The following ECRG4 variants were observed in gnomAD, a reference collection of about 807,000 sequenced individuals.
The protein encoded by ECRG4 is ECRG4 augurin precursor.
Under a neutral mutation model 15.8 loss-of-function variants are expected in ECRG4, and 18 were observed. The observed-to-expected ratio is 1.14, with a 90% CI of 0.79 to 1.69. ECRG4 has a LOEUF of 1.69. ECRG4 is among the 40% of genes most tolerant of loss of function. The probability of loss-of-function intolerance (pLI) is 0.00; values close to 1 mark genes in which losing one functional copy is unlikely to be tolerated. For missense variants in ECRG4, 200 were observed against 190.9 expected, an observed-to-expected ratio of 1.05 and a Z score of -0.28; for synonymous variants, 82 against 73.9, an observed-to-expected ratio of 1.11 and a Z score of -0.56.
Position 106,071,682 on chromosome 2 carries a change from T to C in ECRG4, c.80-162T>C, listed in dbSNP as rs147962627. Among the ~76,000 whole-genome samples, 663 of 152,328 alleles carry C rather than the reference T, an allele frequency of 4.4e-3. 1 individual carries two copies. Among genetic ancestry groups the C allele is most frequent in the Middle Eastern group, 0.014 (4 of 294 alleles). ...CATGGGCAGCCTGAATTGTTTGTCC[T>C]GCAGGACAGGGAATACAGCAAGTGT... On this transcript the variant is annotated intron_variant, in intron 1 of 3. Transcript: ENST00000238044.
upstream of ECRG4, among the ~76,000 whole-genome samples, chr2:106,065,029 A>C (rs565997545): frequency 6.6e-5 from 10 of 152,142 alleles, no homozygotes; most frequent in Non-Finnish European, 1.3e-4. Flanking sequence ...GCAGGGCACC[A>C]GGTTCCTGGT....
intron 3 of ECRG4, among the ~76,000 whole-genome samples, chr2:106,076,656 A>C (rs931541791): frequency 6.6e-6 from 1 of 152,194 alleles, no homozygotes; most frequent in African/African-American, 2.4e-5. Flanking sequence ...ATTAATGTTC[A>C]TTGGCAGTCT....
intron 3 of ECRG4, among the ~76,000 whole-genome samples, chr2:106,075,514 G>C (rs1474669928): frequency 2.0e-5 from 3 of 152,188 alleles, no homozygotes; most frequent in Non-Finnish European, 4.4e-5. Flanking sequence ...CTGAGGTCAG[G>C]AGTTCAAGAC....
chr2:106,069,008 G>A (rs1309575038), intron 1 of ECRG4, among the ~76,000 whole-genome samples: 8 of 152,180 alleles, frequency 5.3e-5, no homozygotes, highest in African/African-American at 1.4e-4. Flanking sequence ...CTATCTGGGC[G>A]TTAGAAACCT....
Position 106,073,983 on chromosome 2 carries a change from GA to G in ECRG4, c.226del (p.Thr76LeufsTer130). ...KRQKRQLWDR[T>X]RPEVQQWYQQ... ...GCCAGAAGCGGCAGCTGTGGGACCG[GA>G]CTCGGCCCGAGGTGCAGCAGTGGTA... On this transcript the variant is annotated frameshift_variant, in exon 3 of 4. Transcript: ENST00000238044. LOFTEE classifies it high-confidence loss of function. 1.2e-6 allele frequency: 2 copies of G among 1,613,966 alleles called. No homozygotes were observed. The highest frequency in any genetic ancestry group is 2.7e-5 in the African/African-American group (2 of 74,934).
In ECRG4 at chr2:106,073,992, C is replaced by T. The variant is rs767847581; in HGVS notation, c.234C>T (p.Pro78=). Residue 78 remains proline, a synonymous_variant, in exon 3 of 4, where the codon CCC becomes CCT. Coordinates refer to ENST00000238044, the MANE Select transcript of ECRG4 (RefSeq NM_032411.3). Reference sequence around the variant, plus strand: ...GGCAGCTGTGGGACCGGACTCGGCCCGAGGTGCAGCAGTGGTACCAGCAGT... The same window carrying T: ...GGCAGCTGTGGGACCGGACTCGGCCTGAGGTGCAGCAGTGGTACCAGCAGT... ...QKRQLWDRTR[P]EVQQWYQQFL... 3.1e-6 allele frequency: 5 copies of T among 1,613,842 alleles called. No individual in the cohort carries two copies. The highest frequency in any genetic ancestry group is 4.5e-5 in the East Asian group (2 of 44,900).
chr2:106,073,003 G>A (rs576932919), intron 2 of ECRG4, among the ~76,000 whole-genome samples: 1 of 152,320 alleles, frequency 6.6e-6, no homozygotes. Flanking sequence ...TCAAGGGATT[G>A]TAAACAAACA....
intron 3 of ECRG4, 131 bp downstream of exon 3, chr2:106,074,174 T>A: frequency 9.8e-7 from 1 of 1,016,474 alleles, no homozygotes; most frequent in Non-Finnish European, 1.4e-6. Context: ...CCCCATCATA[T>A]GCCAAGTGCT....
intron 1 of ECRG4, among the ~76,000 whole-genome samples, chr2:106,071,575 A>G (rs1316466424): frequency 2.0e-5 from 3 of 152,168 alleles, no homozygotes; most frequent in African/African-American, 4.8e-5. Flanking sequence ...AGTAAGACAC[A>G]GGGCTAAAAG....
In ECRG4 at chr2:106,078,020, T is replaced by A; in HGVS notation, c.*94T>A. On this transcript the variant is annotated 3_prime_UTR_variant, in exon 4 of 4. Coordinates refer to ENST00000238044, the MANE Select transcript of ECRG4 (RefSeq NM_032411.3). ...ACTACTTGGTTTCTGATTTGCTCTA[T>A]TTCAGCAGATCTTTTCTACCTACTT... 8.3e-7 allele frequency: 1 copy of A among 1,209,136 alleles called. No individual in the cohort carries two copies. The highest frequency in any genetic ancestry group is 1.1e-6 in the Non-Finnish European group (1 of 891,472). 74.9% of individuals were successfully genotyped at this position (1,209,136 alleles called of 1,614,324 possible).
chr2:106,069,016 C>G (rs1009699496), intron 1 of ECRG4, among the ~76,000 whole-genome samples: 6 of 152,200 alleles, frequency 3.9e-5, no homozygotes, highest in Non-Finnish European at 8.8e-5. Context: ...GCGTTAGAAA[C>G]CTTACTTCAT....
intron 1 of ECRG4, among the ~76,000 whole-genome samples, chr2:106,069,387 G>A (rs1182258206): frequency 2.8e-5 from 4 of 144,934 alleles, no homozygotes; most frequent in Non-Finnish European, 6.0e-5. Context: ...AGAATGGAGT[G>A]CAGTGACGCT....
chr2:106,071,781 G>T, intron 1 of ECRG4, 63 bp from the exon 2 acceptor site: 1 of 1,413,750 alleles, frequency 7.1e-7, no homozygotes, highest in South Asian at 1.2e-5. Flanking sequence ...TCTGATTTTT[G>T]CCTTTGATAA....
upstream of ECRG4, among the ~76,000 whole-genome samples, chr2:106,064,824 C>T (rs946857877): frequency 7.2e-5 from 11 of 152,146 alleles, no homozygotes; most frequent in African/African-American, 1.7e-4. Context: ...TTAGGTGACC[C>T]GCTCAGAGTC....
At chr2:106,073,251 A>G (rs776158823) in intron 2 of ECRG4, among the ~76,000 whole-genome samples, 40 of 152,198 alleles carry the variant, frequency 2.6e-4, no homozygotes, top group Non-Finnish European at 4.7e-4. Context: ...TGTGATGGAA[A>G]GACGTTAGCA....
chr2:106,067,061 G>GGGGT (rs1553411451), intron 1 of ECRG4, among the ~76,000 whole-genome samples: 5 of 61,274 alleles, frequency 8.2e-5, no homozygotes, highest in Admixed American at 5.9e-4. Flanking sequence ...TGGGAGGCCG[G>GGGGT]GGGGGGGGGG....
intron 3 of ECRG4, among the ~76,000 whole-genome samples, chr2:106,075,485 G>A (rs2104798899): frequency 6.6e-6 from 1 of 152,290 alleles, no homozygotes; most frequent in East Asian, 1.9e-4. Flanking sequence ...ACTTTGGGAG[G>A]CCAAGGCAGG....
intron 1 of ECRG4, among the ~76,000 whole-genome samples, chr2:106,068,042 A>G (rs957552665): frequency 6.6e-6 from 1 of 150,506 alleles, no homozygotes; most frequent in Non-Finnish European, 1.5e-5. Flanking sequence ...GATGAGTCTC[A>G]CTATGTAGCC....
At chr2:106,073,799 G>T in intron 2 of ECRG4, 87 bp from the exon 3 acceptor site, 1 of 1,490,960 alleles carries the variant, frequency 6.7e-7, no homozygotes, top group Non-Finnish European at 9.3e-7. Context: ...CATGGTGGTG[G>T]GGGATGGGAT....
Sources: gnomAD v4.1 joint callset for allele counts (sites outside exome capture counted in the v4.1 genomes callset) on GRCh38, gnomAD v4.1.1 for gene constraint, MANE v1.5 for transcripts, NCBI Gene and HGNC (gene_info 2026-07-23, HGNC 2026-07-21) for gene names.